Variants in ADK observed in about 807,000 individuals in gnomAD.
ADK encodes the protein N6,N6-dimethyladenosine kinase.
In ADK, 24 loss-of-function variants were observed where a neutral mutation model predicts 44.7. That is an observed-to-expected ratio of 0.54 (90% CI 0.39 to 0.76). ADK has a LOEUF of 0.76. Ranked by LOEUF, ADK falls within the 30% of genes least tolerant of loss-of-function variation. The pLI is 0.00. For missense variants in ADK, 321 were observed against 425.1 expected, an observed-to-expected ratio of 0.76 and a Z score of 2.15; for synonymous variants, 128 against 142.6, an observed-to-expected ratio of 0.90 and a Z score of 0.73.
At chr10:74,477,088 A>G (rs1489668738) in intron 6 of ADK, among the ~76,000 whole-genome samples, 1 of 152,120 alleles carries the variant, frequency 6.6e-6, no homozygotes, top group Non-Finnish European at 1.5e-5. Flanking sequence ...CTTTTGCCAT[A>G]TCCTCCCACT....
At chr10:74,266,950 C>T (rs927938089) in intron 3 of ADK, among the ~76,000 whole-genome samples, 3 of 152,224 alleles carry the variant, frequency 2.0e-5, no homozygotes, top group African/African-American at 7.2e-5. Context: ...ATGGGTTCCA[C>T]ATTGGTGGAT....
intron 6 of ADK, among the ~76,000 whole-genome samples, chr10:74,416,801 G>T (rs1160340756): frequency 6.6e-6 from 1 of 151,746 alleles, no homozygotes; most frequent in African/African-American, 2.4e-5. Flanking sequence ...TACAGAAATA[G>T]TAAAAATCAA....
intron 6 of ADK, among the ~76,000 whole-genome samples, chr10:74,400,110 C>T (rs537539604): frequency 2.6e-5 from 4 of 152,122 alleles, no homozygotes; most frequent in Admixed American, 6.5e-5. Flanking sequence ...TTTATACTTA[C>T]GTGCAATTTT....
intron 6 of ADK, among the ~76,000 whole-genome samples, chr10:74,419,288 T>C (rs1028904896): frequency 6.6e-6 from 1 of 152,142 alleles, no homozygotes; most frequent in South Asian, 2.1e-4. Flanking sequence ...TTAAAGTGAT[T>C]TTAAGATTGG....
At chr10:74,442,854 A>T (rs1460853028) in intron 6 of ADK, among the ~76,000 whole-genome samples, 3 of 152,172 alleles carry the variant, frequency 2.0e-5, no homozygotes, top group Non-Finnish European at 2.9e-5. Context: ...AAATCCTGCC[A>T]TTTGCAACAA....
intron 3 of ADK, among the ~76,000 whole-genome samples, chr10:74,302,300 T>G (rs149892318): frequency 0.01 from 1,538 of 151,388 alleles, 9 homozygotes; most frequent in Middle Eastern, 0.017. Context: ...TTTTTGTATT[T>G]TAGTAGAGAT....
intron 3 of ADK, among the ~76,000 whole-genome samples, chr10:74,245,319 C>T (rs1845376114): frequency 2.0e-5 from 3 of 152,098 alleles, no homozygotes; most frequent in South Asian, 4.2e-4. Flanking sequence ...CTCATACATA[C>T]CCTTAAGATT....
At chr10:74,596,695 G>A (rs909425048) in intron 8 of ADK, among the ~76,000 whole-genome samples, 3 of 152,030 alleles carry the variant, frequency 2.0e-5, no homozygotes, top group African/African-American at 7.2e-5. Flanking sequence ...ATAGGCGCAT[G>A]CCACCACACC....
At chr10:74,606,533 A>G (rs1449650944) in intron 9 of ADK, among the ~76,000 whole-genome samples, 1 of 152,090 alleles carries the variant, frequency 6.6e-6, no homozygotes, top group African/African-American at 2.4e-5. Flanking sequence ...GTTTCCATGC[A>G]GTTGTGTGGT....
At chr10:74,168,890 C>T (rs1054749031) in intron 1 of ADK, among the ~76,000 whole-genome samples, 7 of 151,992 alleles carry the variant, frequency 4.6e-5, no homozygotes, top group South Asian at 2.1e-4. Context: ...TGATTACAGA[C>T]GTGAGCCACC....
At chr10:74,151,436 C>A in intron 1 of ADK, 93 bp downstream of exon 1, 1 of 1,357,660 alleles carries the variant, frequency 7.4e-7, no homozygotes, top group Non-Finnish European at 1.0e-6. Context: ...TGGGTGGTGT[C>A]TCTCACTGCC....
At chr10:74,599,816 C>T (rs1440893580) in intron 8 of ADK, among the ~76,000 whole-genome samples, 1 of 152,104 alleles carries the variant, frequency 6.6e-6, no homozygotes, top group Non-Finnish European at 1.5e-5. Flanking sequence ...AAAGGATTAG[C>T]ATTTCTTTCT....
At chr10:74,403,624 T>C (rs1447953332) in intron 6 of ADK, among the ~76,000 whole-genome samples, 1 of 152,148 alleles carries the variant, frequency 6.6e-6, no homozygotes. Flanking sequence ...GAGAGTGTCC[T>C]GATTTTCCAG....
intron 6 of ADK, among the ~76,000 whole-genome samples, chr10:74,439,764 T>C (rs907047593): frequency 6.6e-6 from 1 of 152,110 alleles, no homozygotes; most frequent in African/African-American, 2.4e-5. Flanking sequence ...AAATATCTAA[T>C]GTTAAATCAT....
At position 74,302,101 on chromosome 10, in the gene ADK, G is replaced by GTTTTTTTT. The variant is rs1564642239; in HGVS notation, c.195-12563_195-12562insTTTTTTTT. ...TTCTTTTCTTTTCTGTTTTTTTTTT[G>GTTTTTTTT]TTTGTTTGTTTTTTTTTTTTTTTTT... On this transcript the variant is annotated intron_variant, in intron 3 of 10. Coordinates refer to ENST00000539909, the MANE Select transcript of ADK (RefSeq NM_006721.4). 5.1e-4 allele frequency among the ~76,000 whole-genome samples: 6 copies of GTTTTTTTT among 11,708 alleles called. 1 individual carries two copies. Among genetic ancestry groups the GTTTTTTTT allele is most frequent in the African/African-American group, 1.7e-3 (6 of 3,544 alleles). The allele number at this position is 11,708 out of a possible 152,430, so 7.7% of individuals were successfully genotyped here.
chr10:74,408,355 C>T (rs1368380202), intron 6 of ADK, among the ~76,000 whole-genome samples: 2 of 152,062 alleles, frequency 1.3e-5, no homozygotes, highest in Non-Finnish European at 2.9e-5. Flanking sequence ...GAGTTTTCCT[C>T]GAACAATGTA....
intron 7 of ADK, among the ~76,000 whole-genome samples, chr10:74,585,221 G>A (rs925687041): frequency 2.0e-5 from 3 of 152,156 alleles, no homozygotes; most frequent in Admixed American, 6.6e-5. Context: ...GAAGCAGCAA[G>A]CCTACTGCAA....
At chr10:74,160,715 G>GTGTA (rs755354571) in intron 1 of ADK, among the ~76,000 whole-genome samples, 1 of 150,354 alleles carries the variant, frequency 6.7e-6, no homozygotes, top group Non-Finnish European at 1.5e-5. Flanking sequence ...GTGTGTGTGT[G>GTGTA]TGTATGTGTG....
At chr10:74,225,450 T>C (rs532077492) in intron 3 of ADK, among the ~76,000 whole-genome samples, 1 of 152,336 alleles carries the variant, frequency 6.6e-6, no homozygotes, top group South Asian at 2.1e-4. Flanking sequence ...CTTGTACTCA[T>C]TTATAGGGAC....
Sources: gnomAD v4.1 joint callset for allele counts (sites outside exome capture counted in the v4.1 genomes callset) on GRCh38, gnomAD v4.1.1 for gene constraint, MANE v1.5 for transcripts, NCBI Gene and HGNC (gene_info 2026-07-23, HGNC 2026-07-21) for gene names.